The following PAK5 variants were observed in gnomAD, a reference collection of about 807,000 sequenced individuals.
The protein encoded by PAK5 is p21 (RAC1) activated kinase 5.
Under a neutral mutation model 65.9 loss-of-function variants are expected in PAK5, and 16 were observed. The observed-to-expected ratio is 0.24, with a 90% CI of 0.16 to 0.37. PAK5 has a LOEUF of 0.37. Among genes scored for constraint, PAK5 ranks in the 10% least tolerant of loss-of-function variants. The probability of loss-of-function intolerance (pLI) is 1.00; values close to 1 mark genes in which losing one functional copy is unlikely to be tolerated. For missense variants in PAK5, 785 were observed against 903.9 expected (o/e 0.87, Z 1.69); for synonymous variants, 371 against 354.9 (o/e 1.05, Z -0.51).
intron 2 of PAK5, among the ~76,000 whole-genome samples, chr20:9,671,182 T>C (rs865844319): frequency 6.6e-6 from 1 of 152,192 alleles, no homozygotes; most frequent in Non-Finnish European, 1.5e-5. Flanking sequence ...TGTAGCCTTG[T>C]AGTATAGTTT....
intron 2 of PAK5, among the ~76,000 whole-genome samples, chr20:9,688,133 A>C (rs2047745020): frequency 6.6e-6 from 1 of 152,104 alleles, no homozygotes; most frequent in African/African-American, 2.4e-5. Flanking sequence ...AACTGGCCAG[A>C]GAACAGCCAT....
At chr20:9,790,859 G>A (rs1048059388) in intron 1 of PAK5, among the ~76,000 whole-genome samples, 2 of 151,896 alleles carry the variant, frequency 1.3e-5, no homozygotes, top group Non-Finnish European at 2.9e-5. Context: ...AAAGGTACTA[G>A]GCATTTGTGG....
At chr20:9,540,694 T>TC (rs918438478) in intron 9 of PAK5, among the ~76,000 whole-genome samples, 10 of 152,108 alleles carry the variant, frequency 6.6e-5, no homozygotes, top group African/African-American at 2.4e-4. Context: ...ACATTGGCAC[T>TC]CACTGGGTGT....
At chr20:9,802,340 G>A (rs2049178859) in intron 1 of PAK5, among the ~76,000 whole-genome samples, 1 of 152,082 alleles carries the variant, frequency 6.6e-6, no homozygotes, top group Middle Eastern at 3.2e-3. Context: ...TGCAGTGATT[G>A]GAAGAAGAGA....
intron 2 of PAK5, among the ~76,000 whole-genome samples, chr20:9,687,641 G>T (rs1466973553): frequency 6.6e-6 from 1 of 152,116 alleles, no homozygotes; most frequent in Non-Finnish European, 1.5e-5. Flanking sequence ...TTTGAAACCC[G>T]CACATCATGG....
chr20:9,617,353 A>G (rs1297529343), intron 3 of PAK5, among the ~76,000 whole-genome samples: 1 of 151,934 alleles, frequency 6.6e-6, no homozygotes, highest in Non-Finnish European at 1.5e-5. Context: ...TTGAGTCAAA[A>G]CTCTGGGGAT....
rs1457645183 is a variant in PAK5 at position 9,838,128 on chromosome 20, A to C, written c.-162+634T>G. On this transcript the variant is annotated intron_variant, in intron 1 of 9. Transcript: ENST00000353224. This position sits in a 1 kb window ranked among gnomAD's most constrained non-coding sequence, Gnocchi z 4.5. ...GATCCTCTTCCACGCCCTGCTCACA[A>C]GGGTGCCCACAAGCAGAAGTTCTCT... Among the ~76,000 whole-genome samples, 1 of 151,966 alleles carries C rather than the reference A, an allele frequency of 6.6e-6. No individual in the cohort carries two copies. The highest frequency in any genetic ancestry group is 2.0e-4 in the East Asian group (1 of 5,126).
intron 3 of PAK5, among the ~76,000 whole-genome samples, chr20:9,632,624 G>C (rs2046936804): frequency 6.6e-6 from 1 of 152,112 alleles, no homozygotes; most frequent in African/African-American, 2.4e-5. Context: ...AGAGCTCATG[G>C]GCTAAATCTG....
intron 1 of PAK5, among the ~76,000 whole-genome samples, chr20:9,772,271 A>G (rs1371319857): frequency 6.6e-6 from 1 of 152,198 alleles, no homozygotes; most frequent in East Asian, 1.9e-4. Context: ...CTAAAATAAG[A>G]TGAGCTGGGG....
At chr20:9,630,824 T>C (rs1302121359) in intron 3 of PAK5, among the ~76,000 whole-genome samples, 2 of 152,168 alleles carry the variant, frequency 1.3e-5, no homozygotes, top group African/African-American at 4.8e-5. Flanking sequence ...CACGGACCAG[T>C]AATTCCCTTT....
intron 2 of PAK5, among the ~76,000 whole-genome samples, chr20:9,656,545 G>A (rs1427578031): frequency 6.6e-6 from 1 of 152,170 alleles, no homozygotes; most frequent in African/African-American, 2.4e-5. Flanking sequence ...TATAGGCAAG[G>A]TAGTGGTGTT....
intron 1 of PAK5, among the ~76,000 whole-genome samples, chr20:9,832,380 C>T (rs1292019643): frequency 6.6e-6 from 1 of 152,096 alleles, no homozygotes; most frequent in Non-Finnish European, 1.5e-5. Flanking sequence ...TCAAGTGATT[C>T]TCTTGCCTCA....
rs57705525 is a variant in PAK5 at position 9,802,910 on chromosome 20, G to GTATATATATATA, written c.-162+35840_-162+35851dup. On this transcript the variant is annotated intron_variant, in intron 1 of 9. Transcript: ENST00000353224. The stretch of plus-strand genomic sequence containing the variant: ...CTTCTGTACTATTGTATATGTATGT[G>GTATATATATATA]TATATATATATATATATATATATGA... 9.0e-3 allele frequency among the ~76,000 whole-genome samples: 418 copies of GTATATATATATA among 46,328 alleles called. 11 individuals are homozygous for GTATATATATATA. Among genetic ancestry groups the GTATATATATATA allele is most frequent in the South Asian group, 0.044 (31 of 710 alleles). 30.4% of individuals were successfully genotyped at this position (46,328 alleles called of 152,430 possible).
intron 7 of PAK5, among the ~76,000 whole-genome samples, chr20:9,546,771 T>G (rs2088835314): frequency 6.6e-6 from 1 of 152,176 alleles, no homozygotes; most frequent in African/African-American, 2.4e-5. Flanking sequence ...CCTAGTAGCC[T>G]CTAGTTTCAG....
At chr20:9,714,303 A>G (rs2098261565) in intron 1 of PAK5, among the ~76,000 whole-genome samples, 1 of 152,086 alleles carries the variant, frequency 6.6e-6, no homozygotes, top group Non-Finnish European at 1.5e-5. Flanking sequence ...AATTCCTAGA[A>G]AATTTTTCCA....
At chr20:9,796,752 C>T (rs1349847200) in intron 1 of PAK5, among the ~76,000 whole-genome samples, 2 of 152,012 alleles carry the variant, frequency 1.3e-5, no homozygotes, top group East Asian at 3.9e-4. Context: ...TGTGGAAGAT[C>T]AAAGACTACA....
At chr20:9,724,132 T>C (rs2048248768) in intron 1 of PAK5, among the ~76,000 whole-genome samples, 1 of 152,114 alleles carries the variant, frequency 6.6e-6, no homozygotes, top group Non-Finnish European at 1.5e-5. Flanking sequence ...AAAATCGAGG[T>C]TATTTACTTC....
At chr20:9,635,372 A>G (rs1009489693) in intron 3 of PAK5, among the ~76,000 whole-genome samples, 5 of 152,198 alleles carry the variant, frequency 3.3e-5, no homozygotes, top group Non-Finnish European at 7.3e-5. Context: ...CTTCATGCAC[A>G]GAGGCTTCAC....
chr20:9,739,081 C>T (rs1600308652), intron 1 of PAK5, among the ~76,000 whole-genome samples: 1 of 152,094 alleles, frequency 6.6e-6, no homozygotes, highest in East Asian at 1.9e-4. Context: ...AGGGATTATT[C>T]TTCCTTTCAC....
Sources: gnomAD v4.1 joint callset for allele counts (sites outside exome capture counted in the v4.1 genomes callset) on GRCh38, gnomAD v4.1.1 for gene constraint, Gnocchi (gnomAD v3.1) non-coding constraint, MANE v1.5 for transcripts, NCBI Gene and HGNC (gene_info 2026-07-23, HGNC 2026-07-21) for gene names.